The following CCDC60 variants were observed in gnomAD, a reference collection of about 807,000 sequenced individuals.
CCDC60 encodes the protein coiled-coil domain-containing protein 60.
Under a neutral mutation model 63.5 loss-of-function variants are expected in CCDC60, and 54 were observed. The ratio of observed to expected loss-of-function variants is 0.85; its 90% CI spans 0.68 to 1.07. The LOEUF (loss-of-function observed/expected upper bound fraction) is 1.07. CCDC60 is among the 50% of genes least tolerant of loss of function. The probability of loss-of-function intolerance (pLI) is 0.00; values close to 1 mark genes in which losing one functional copy is unlikely to be tolerated. For synonymous variants in CCDC60, 206 were observed against 238.8 expected, an observed-to-expected ratio of 0.86 and a Z score of 1.27; for missense variants, 651 against 684.3, an observed-to-expected ratio of 0.95 and a Z score of 0.54.
chr12:119,395,060 C>T (rs1413509011), intron 1 of CCDC60, among the ~76,000 whole-genome samples: 1 of 152,178 alleles, frequency 6.6e-6, no homozygotes, highest in Non-Finnish European at 1.5e-5. Context: ...ACAGCATTGC[C>T]TACAGAAGGT....
chr12:119,539,425 G>C (rs1953095188), intron 13 of CCDC60, among the ~76,000 whole-genome samples: 1 of 152,238 alleles, frequency 6.6e-6, no homozygotes, highest in South Asian at 2.1e-4. Flanking sequence ...TTTGGCTACA[G>C]TGGCTTTGCT....
At chr12:119,352,152 TAC>T (rs1463527994) in intron 1 of CCDC60, among the ~76,000 whole-genome samples, 1 of 152,140 alleles carries the variant, frequency 6.6e-6, no homozygotes, top group East Asian at 1.9e-4. Flanking sequence ...GGGAAAGAGC[TAC>T]ACACTTTCAA....
intron 1 of CCDC60, among the ~76,000 whole-genome samples, chr12:119,346,709 A>G (rs553809168): frequency 1.2e-3 from 178 of 151,764 alleles, no homozygotes; most frequent in South Asian, 7.5e-3. Flanking sequence ...TCTGCCAGAA[A>G]AAAACACAGC....
At chr12:119,427,980 T>TA (rs1295191121) in intron 1 of CCDC60, among the ~76,000 whole-genome samples, 3 of 152,010 alleles carry the variant, frequency 2.0e-5, no homozygotes, top group East Asian at 1.9e-4. Flanking sequence ...ATCCTGTCTC[T>TA]AAAAAAAATA....
chr12:119,346,158 C>T (rs1955590893), intron 1 of CCDC60, among the ~76,000 whole-genome samples: 1 of 151,914 alleles, frequency 6.6e-6, no homozygotes, highest in Non-Finnish European at 1.5e-5. Context: ...CACTTAACCT[C>T]TTTGATTTCT....
chr12:119,484,685 C>A (rs956819952), intron 4 of CCDC60, among the ~76,000 whole-genome samples: 19 of 151,964 alleles, frequency 1.3e-4, no homozygotes, highest in African/African-American at 4.6e-4. Context: ...CGCACTCCAT[C>A]CTGGGCAACA....
At position 119,524,716 on chromosome 12, in the gene CCDC60, C is replaced by CTTTTTTTTTTTTTTTTTTT. The variant is rs1416953138; in HGVS notation, c.1229+902_1229+903insTTTTTTTTTTTTTTTTTTT. 2.5e-4 allele frequency among the ~76,000 whole-genome samples: 23 copies of CTTTTTTTTTTTTTTTTTTT among 90,574 alleles called. 2 individuals carry two copies. Among genetic ancestry groups the CTTTTTTTTTTTTTTTTTTT allele is most frequent in the African/African-American group, 1.0e-3 (19 of 18,844 alleles). The allele number at this position is 90,574 out of a possible 152,430, so 59.4% of individuals were successfully genotyped here. The stretch of plus-strand genomic sequence containing the variant: ...AGGAAACAGCAGTTTCTTTTCTTTT[C>CTTTTTTTTTTTTTTTTTTT]TTTTCTTTTTTTTTTTTTTTTTTTG... On this transcript the variant is annotated intron_variant, in intron 11 of 13. Transcript: ENST00000327554.
intron 1 of CCDC60, among the ~76,000 whole-genome samples, chr12:119,386,992 C>T (rs866443081): frequency 2.7e-5 from 4 of 148,578 alleles, no homozygotes; most frequent in African/African-American, 1.0e-4. Flanking sequence ...TCTTCCCCCT[C>T]AACTCTCTCT....
intron 4 of CCDC60, among the ~76,000 whole-genome samples, chr12:119,483,403 A>G (rs1023556215): frequency 3.9e-5 from 6 of 152,194 alleles, no homozygotes; most frequent in Non-Finnish European, 8.8e-5. Flanking sequence ...CAATTCAATC[A>G]TGTAACAAGA....
At chr12:119,345,230 A>G (rs1346116973) in intron 1 of CCDC60, among the ~76,000 whole-genome samples, 1 of 152,210 alleles carries the variant, frequency 6.6e-6, no homozygotes, top group Non-Finnish European at 1.5e-5. Flanking sequence ...GAGGCTGGGC[A>G]CGGTGGCTCA....
rs118017573 is a variant in CCDC60, at chr12:119,408,360, G to T, written c.91-20323G>T. 3.5e-3 allele frequency among the ~76,000 whole-genome samples: 526 copies of T among 152,328 alleles called. 4 individuals carry two copies. Among genetic ancestry groups the T allele is most frequent in the South Asian group, 0.03 (147 of 4,826 alleles). On this transcript the variant is annotated intron_variant, in intron 1 of 13. Transcript: ENST00000327554. ...AGCCTCTGCTTCAGGATCTCCTGAG[G>T]CCACACTGAAGATGGCAGCTGGGCC...
intron 7 of CCDC60, among the ~76,000 whole-genome samples, chr12:119,511,842 T>C (rs1288880471): frequency 6.6e-6 from 1 of 152,210 alleles, no homozygotes. Context: ...TGCTTGGTTC[T>C]AAAGAGAAGG....
rs528675403 is a variant in CCDC60 at position 119,360,675 on chromosome 12, C to G, written c.90+25409C>G. Among the ~76,000 whole-genome samples the G allele has an allele frequency of 2.4e-4, 36 of 152,024 alleles. No homozygotes were observed. In the South Asian group the frequency reaches 5.2e-3, roughly 22 times the overall value. ...GATGGGCGGCGGGGCAGAGACACTC[C>G]TCACTTCCTAGATGTGATGGCGGCC... On this transcript the variant is annotated intron_variant, in intron 1 of 13. Coordinates refer to ENST00000327554, the MANE Select transcript of CCDC60 (RefSeq NM_178499.5).
At chr12:119,419,803 C>G (rs374694971) in intron 1 of CCDC60, among the ~76,000 whole-genome samples, 1 of 152,036 alleles carries the variant, frequency 6.6e-6, no homozygotes, top group Non-Finnish European at 1.5e-5. Flanking sequence ...ACCACCTCTC[C>G]CTGACAATCA....
Position 119,465,757 on chromosome 12 carries a change from CA to C in CCDC60, c.171-6224del, listed in dbSNP as rs11374064. On this transcript the variant is annotated intron_variant, in intron 2 of 13. Coordinates refer to ENST00000327554, the MANE Select transcript of CCDC60 (RefSeq NM_178499.5). ...TCAGTGACAGAGTGAGACTTCATCT[CA>C]AAAAAAAAAAAATGTATAAAACAGA... Among the ~76,000 whole-genome samples, 154 of 146,176 alleles carry C rather than the reference CA, an allele frequency of 1.1e-3. 1 individual carries two copies. Among genetic ancestry groups the C allele is most frequent in the Middle Eastern group, 3.5e-3 (1 of 282 alleles).
chr12:119,344,372 C>T (rs767164450), intron 1 of CCDC60, among the ~76,000 whole-genome samples: 1 of 152,132 alleles, frequency 6.6e-6, no homozygotes, highest in Non-Finnish European at 1.5e-5. Flanking sequence ...ATAAATGATG[C>T]CGTCATGTAC....
At chr12:119,362,429 C>T (rs1955800227) in intron 1 of CCDC60, among the ~76,000 whole-genome samples, 2 of 152,066 alleles carry the variant, frequency 1.3e-5, no homozygotes, top group African/African-American at 4.8e-5. Context: ...TAAATAAATA[C>T]TACACCCACC....
chr12:119,398,821 A>T (rs1956334513), intron 1 of CCDC60, among the ~76,000 whole-genome samples: 1 of 152,222 alleles, frequency 6.6e-6, no homozygotes, highest in South Asian at 2.1e-4. Context: ...TCAAGAGCTA[A>T]GGAGTTTATT....
Position 119,335,038 on chromosome 12 carries a change from G to T in CCDC60, c.-139G>T. ...TCTCATTACTCTTCAGAAGGAAACC[G>T]CTTTGGAGTTCGTGTAATTGGGACT... On this transcript the variant is annotated 5_prime_UTR_variant, in exon 1 of 14. Transcript: ENST00000327554. 1 of 640,136 alleles carries T rather than the reference G, an allele frequency of 1.6e-6. No homozygotes were observed. The highest frequency in any genetic ancestry group is 2.7e-6 in the Non-Finnish European group (1 of 368,878). The allele number at this position is 640,136 out of a possible 1,614,324, so 39.7% of individuals were successfully genotyped here.
Sources: gnomAD v4.1 joint callset for allele counts (sites outside exome capture counted in the v4.1 genomes callset) on GRCh38, gnomAD v4.1.1 for gene constraint, MANE v1.5 for transcripts, NCBI Gene and HGNC (gene_info 2026-07-23, HGNC 2026-07-21) for gene names.